Variants in ELOVL5 observed in about 807,000 individuals in gnomAD.
The protein encoded by ELOVL5 is very long chain fatty acid elongase 5.
In ELOVL5, 8 loss-of-function variants were observed where a neutral mutation model predicts 38.6. That is an observed-to-expected ratio of 0.21 (90% confidence interval 0.12 to 0.37). The LOEUF is 0.37. Among genes scored for constraint, ELOVL5 ranks in the 10% least tolerant of loss-of-function variants. The pLI, the probability that ELOVL5 is intolerant of heterozygous loss-of-function variation, is 1.00. For missense variants in ELOVL5, 280 were observed against 367.8 expected, an observed-to-expected ratio of 0.76 and a Z score of 1.95; for synonymous variants, 127 against 133.7, an observed-to-expected ratio of 0.95 and a Z score of 0.34.
At chr6:53,314,617 G>A (rs1767960911) in intron 1 of ELOVL5, among the ~76,000 whole-genome samples, 1 of 152,086 alleles carries the variant, frequency 6.6e-6, no homozygotes, top group Non-Finnish European at 1.5e-5. Flanking sequence ...TTTCCCTTCA[G>A]CTCAGAAATC....
intron 1 of ELOVL5, among the ~76,000 whole-genome samples, chr6:53,317,839 A>T (rs1182586993): frequency 1.3e-5 from 2 of 150,334 alleles, no homozygotes; most frequent in Non-Finnish European, 1.5e-5. Flanking sequence ...AAAAATTAAA[A>T]AAAATAAAAT....
intron 1 of ELOVL5, among the ~76,000 whole-genome samples, chr6:53,345,253 A>T (rs1443814332): frequency 6.6e-6 from 1 of 152,142 alleles, no homozygotes; most frequent in Non-Finnish European, 1.5e-5. Flanking sequence ...CAGACATCTG[A>T]GGGGACTTCA....
Position 53,267,794 on chromosome 6 carries a change from T to C in ELOVL5, c.*1333A>G, listed in dbSNP as rs1581911450. ...TATGTCATGAGTGGTTCCAAGAATA[T>C]CTTTCCCCCAATGGAGAAGGTATTC... On this transcript the variant is annotated 3_prime_UTR_variant, in exon 8 of 8. Transcript: ENST00000304434. The C allele has an allele frequency of 6.6e-6, 1 of 152,610 alleles. No homozygotes were observed. Among genetic ancestry groups the C allele is most frequent in the African/African-American group, 2.4e-5 (1 of 41,448 alleles). 9.5% of individuals were successfully genotyped at this position (152,610 alleles called of 1,614,324 possible).
intron 7 of ELOVL5, among the ~76,000 whole-genome samples, chr6:53,269,818 A>G (rs1765858689): frequency 6.6e-6 from 1 of 152,226 alleles, no homozygotes; most frequent in African/African-American, 2.4e-5. Context: ...ATAAACTATG[A>G]AGCCCAGAAG....
chr6:53,329,264 T>C (rs556762264), intron 1 of ELOVL5, among the ~76,000 whole-genome samples: 8 of 152,170 alleles, frequency 5.3e-5, no homozygotes, highest in Non-Finnish European at 7.4e-5. Context: ...TTTTGAAAAA[T>C]ACGTTTTTAT....
At chr6:53,293,341 G>A (rs896230848) in intron 2 of ELOVL5, among the ~76,000 whole-genome samples, 3 of 151,818 alleles carry the variant, frequency 2.0e-5, no homozygotes, top group South Asian at 4.2e-4. Context: ...ATTCTGAGAC[G>A]GAGTCTCACT....
chr6:53,299,331 G>A (rs1767151372), intron 1 of ELOVL5, among the ~76,000 whole-genome samples: 1 of 152,188 alleles, frequency 6.6e-6, no homozygotes, highest in Non-Finnish European at 1.5e-5. Flanking sequence ...GCTGTAGTCA[G>A]GGTCAGTTTC....
chr6:53,272,835 C>T (rs1034823347), intron 6 of ELOVL5, among the ~76,000 whole-genome samples: 2 of 152,204 alleles, frequency 1.3e-5, no homozygotes, highest in Non-Finnish European at 2.9e-5. Flanking sequence ...GGACTCCATA[C>T]TACTCTCCAG....
intron 1 of ELOVL5, among the ~76,000 whole-genome samples, chr6:53,325,912 A>T (rs958683920): frequency 6.6e-6 from 1 of 152,250 alleles, no homozygotes; most frequent in Non-Finnish European, 1.5e-5. Context: ...AAGGCACATT[A>T]AAACGTGAAT....
intron 2 of ELOVL5, among the ~76,000 whole-genome samples, chr6:53,295,428 A>C (rs550096905): frequency 2.6e-5 from 4 of 152,248 alleles, no homozygotes. Flanking sequence ...GCTTTACAGC[A>C]TATTTTTAAA....
chr6:53,315,829 T>C (rs528345015), intron 1 of ELOVL5, among the ~76,000 whole-genome samples: 10 of 152,348 alleles, frequency 6.6e-5, no homozygotes, highest in African/African-American at 2.2e-4. Context: ...TAAAATACTT[T>C]ACTTAACTCA....
Position 53,275,180 on chromosome 6 carries a change from T to G in ELOVL5, c.406A>C (p.Asn136His), listed in dbSNP as rs776296258. 6.2e-7 allele frequency: 1 copy of G among 1,614,188 alleles called. No homozygotes were observed. Among genetic ancestry groups the G allele is most frequent in the Non-Finnish European group, 8.5e-7 (1 of 1,180,020 alleles). ...ACGTGCAGGACCGTGATCTGGTGGT[T>G]GTTCTTGCGCAGGATGAAGAAGAAA... Reference protein sequence around the residue: ...DTFFFILRKNNHQITVLHVYH... With the variant: ...DTFFFILRKNHHQITVLHVYH... Residue 136 changes from asparagine (N) to histidine (H), a missense_variant, in exon 5 of 8, where the codon AAC (asparagine) becomes CAC (histidine). Physicochemically the swap from Asn to His is moderately conservative, Grantham distance 68. Coordinates refer to ENST00000304434, the MANE Select transcript of ELOVL5 (RefSeq NM_021814.5).
intron 1 of ELOVL5, among the ~76,000 whole-genome samples, chr6:53,307,092 G>A (rs758407454): frequency 2.6e-5 from 4 of 152,224 alleles, no homozygotes; most frequent in Non-Finnish European, 5.9e-5. Flanking sequence ...CATTTGAAAG[G>A]CAGTTGACTC....
At chr6:53,286,795 T>A (rs1766589636) in intron 3 of ELOVL5, among the ~76,000 whole-genome samples, 1 of 152,218 alleles carries the variant, frequency 6.6e-6, no homozygotes, top group Non-Finnish European at 1.5e-5. Flanking sequence ...AGAGTTTAAT[T>A]AGTATACCAT....
At chr6:53,304,374 G>A (rs1471816435) in intron 1 of ELOVL5, among the ~76,000 whole-genome samples, 1 of 152,046 alleles carries the variant, frequency 6.6e-6, no homozygotes, top group East Asian at 1.9e-4. Context: ...TGTAAAGTGT[G>A]AGCCCATAAA....
intron 1 of ELOVL5, among the ~76,000 whole-genome samples, chr6:53,329,260 A>G (rs577731991): frequency 8.5e-4 from 129 of 152,316 alleles, no homozygotes; most frequent in African/African-American, 2.9e-3. Context: ...AAAGTTTTGA[A>G]AAATACGTTT....
chr6:53,288,018 A>G, intron 3 of ELOVL5: 1 of 1,204,946 alleles, frequency 8.3e-7, no homozygotes, highest in South Asian at 1.3e-5. Context: ...GAGTAGACAC[A>G]TTGAATGGCT....
intron 1 of ELOVL5, among the ~76,000 whole-genome samples, chr6:53,335,161 A>G (rs1308131251): frequency 6.6e-6 from 1 of 152,186 alleles, no homozygotes; most frequent in Non-Finnish European, 1.5e-5. Flanking sequence ...ATCATTTCCC[A>G]ACCAGATTAG....
intron 3 of ELOVL5, among the ~76,000 whole-genome samples, chr6:53,289,037 G>GA (rs1766676828): frequency 1.3e-5 from 2 of 151,842 alleles, no homozygotes; most frequent in Middle Eastern, 3.2e-3. Context: ...CTGGGCAACA[G>GA]AGTGAGACTC....
Sources: allele counts gnomAD v4.1 joint callset (sites outside exome capture counted in the v4.1 genomes callset), GRCh38; gene constraint gnomAD v4.1.1; transcripts MANE v1.5; gene names NCBI Gene and HGNC (gene_info 2026-07-23, HGNC 2026-07-21).